BIRC6: variants seen among roughly 807,000 people sequenced by gnomAD.
BIRC6 encodes baculoviral IAP repeat containing 6.
BIRC6 carries 98 observed loss-of-function variants against 503.3 expected under a neutral mutation model. The observed-to-expected ratio is 0.19, with a 90% confidence interval of 0.17 to 0.23. BIRC6 has a LOEUF of 0.23. Among genes scored for constraint, BIRC6 ranks in the 10% least tolerant of loss-of-function variants. The pLI is 1.00. For missense variants in BIRC6, 5,360 were observed against 5,806.0 expected (o/e 0.92, Z 2.50); for synonymous variants, 2,240 against 2,078.7 (o/e 1.08, Z -2.11).
At chr2:32,463,100 T>A (rs1473663934) in intron 23 of BIRC6, 94 bp from the exon 24 acceptor site, 2 of 1,061,304 alleles carry the variant, frequency 1.9e-6, no homozygotes, top group African/African-American at 3.2e-5. Context: ...TTTAGCATCA[T>A]AATAGTGCCA....
chr2:32,487,578 A>G (rs1400730031), intron 40 of BIRC6, 69 bp from the exon 41 acceptor site: 2 of 1,384,520 alleles, frequency 1.4e-6, no homozygotes, highest in Non-Finnish European at 2.0e-6. Flanking sequence ...CTATTTATAC[A>G]TATGAATAAC....
At chr2:32,471,969 A>C (rs1323477231) in intron 32 of BIRC6, among the ~76,000 whole-genome samples, 1 of 152,190 alleles carries the variant, frequency 6.6e-6, no homozygotes, top group Admixed American at 6.5e-5. Flanking sequence ...ATGTATAAGG[A>C]ATTTGCTTTA....
intron 21 of BIRC6, among the ~76,000 whole-genome samples, chr2:32,446,582 C>T (rs1056988582): frequency 3.9e-5 from 6 of 152,014 alleles, no homozygotes; most frequent in African/African-American, 1.4e-4. Flanking sequence ...TCGCTTCAAT[C>T]TGCAGGTGGC....
intron 26 of BIRC6, among the ~76,000 whole-genome samples, chr2:32,466,525 G>A (rs532402360): frequency 6.6e-6 from 1 of 152,268 alleles, no homozygotes; most frequent in Admixed American, 6.5e-5. Flanking sequence ...AAACCCCAAT[G>A]AATGCAATAT....
At chr2:32,481,077 G>A (rs140331804) in intron 37 of BIRC6, among the ~76,000 whole-genome samples, 22 of 152,232 alleles carry the variant, frequency 1.4e-4, no homozygotes, top group Admixed American at 6.5e-4. Flanking sequence ...ATTTTTAATA[G>A]CAAAGTTTAT....
intron 70 of BIRC6, among the ~76,000 whole-genome samples, chr2:32,600,353 T>C (rs556790650): frequency 4.6e-5 from 7 of 152,360 alleles, no homozygotes; most frequent in Non-Finnish European, 1.0e-4. Flanking sequence ...GATACTTTGA[T>C]AGAATTTCAA....
chr2:32,470,268 C>A lies in BIRC6; in HGVS notation c.6448C>A (p.Gln2150Lys). 6.3e-7 allele frequency: 1 copy of A among 1,575,174 alleles called. No individual in the cohort carries two copies. Among genetic ancestry groups the A allele is most frequent in the East Asian group, 2.3e-5 (1 of 43,454 alleles). ...NLLDNLLSPL[Q>K]PQLPMHRRTE... The stretch of plus-strand genomic sequence containing the variant: ...CTTGGATAATTTATTGTCACCTCTT[C>A]AGCCACAGTTACCCATGCATAGGAG... Residue 2150 changes from glutamine (Q) to lysine (K), a missense_variant, in exon 31 of 74, where the codon CAG becomes AAG. Coordinates refer to ENST00000421745, the MANE Select transcript of BIRC6 (RefSeq NM_016252.4).
intron 3 of BIRC6, among the ~76,000 whole-genome samples, chr2:32,383,035 A>G (rs958403843): frequency 2.0e-5 from 3 of 147,614 alleles, no homozygotes; most frequent in African/African-American, 7.5e-5. Flanking sequence ...TCCTCAGTTT[A>G]TTTAATTTTT....
At chr2:32,520,564 T>C (rs1056745996) in intron 57 of BIRC6, among the ~76,000 whole-genome samples, 2 of 152,164 alleles carry the variant, frequency 1.3e-5, no homozygotes, top group African/African-American at 4.8e-5. Context: ...ACACCTGTAA[T>C]CCCAGCACTT....
rs1364566987 is a variant in BIRC6 at position 32,468,105 on chromosome 2, A to T, written c.5774A>T (p.Gln1925Leu). 6.2e-7 allele frequency: 1 copy of T among 1,613,654 alleles called. No homozygotes were observed. The highest frequency in any genetic ancestry group is 8.5e-7 in the Non-Finnish European group (1 of 1,179,778). Residue 1925 changes from glutamine to leucine, a missense_variant, in exon 28 of 74, where the codon CAG (glutamine) becomes CTG (leucine). Physicochemically the swap from Gln to Leu is moderately radical, Grantham distance 113. Transcript: ENST00000421745. Reference protein sequence around the residue: ...AMMVALQEDIQCRYNLACHRL... With the variant: ...AMMVALQEDILCRYNLACHRL... ...ATGGTTGCTTTGCAGGAGGATATAC[A>T]GTGCAGGTTAGTACAGAGTGCAAAT...
intron 66 of BIRC6, among the ~76,000 whole-genome samples, chr2:32,581,065 T>A (rs1261815339): frequency 6.6e-6 from 1 of 152,220 alleles, no homozygotes; most frequent in Non-Finnish European, 1.5e-5. Flanking sequence ...TACTTGGTTA[T>A]TTGACGGACT....
intron 3 of BIRC6, among the ~76,000 whole-genome samples, chr2:32,380,574 A>G (rs1157383706): frequency 2.0e-5 from 3 of 151,990 alleles, no homozygotes; most frequent in Admixed American, 1.3e-4. Context: ...TAAAAATACT[A>G]AAATTAGCCA....
chr2:32,485,243 ATCTG>A (rs762450944), intron 39 of BIRC6, among the ~76,000 whole-genome samples: 46 of 152,064 alleles, frequency 3.0e-4, no homozygotes, highest in Non-Finnish European at 4.9e-4. Flanking sequence ...ATATTTCTGT[ATCTG>A]TCTATCTATT....
chr2:32,459,386 G>T (rs1487586846), intron 23 of BIRC6, among the ~76,000 whole-genome samples: 6 of 152,114 alleles, frequency 3.9e-5, no homozygotes, highest in Admixed American at 3.9e-4. Flanking sequence ...GAACATGTTT[G>T]TGTAGGTTTT....
rs766222657 is a variant in BIRC6 at position 32,463,285 on chromosome 2, A to G, written c.4845A>G (p.Val1615=). The change falls in exon 24 of 74, where the codon GTA becomes GTG. Residue 1615 remains valine, a synonymous_variant. Coordinates refer to ENST00000421745, the MANE Select transcript of BIRC6 (RefSeq NM_016252.4). ...CAGCCCTGAGTTCAGCAGCCCAGGT[A>G]GCTTTGCAGTCTCTCTCTCATGCAA... The part of the protein sequence containing the change: ...ASTALSSAAQ[V]ALQSLSHAMA... The G allele has an allele frequency of 7.4e-6, 12 of 1,613,778 alleles. No individual in the cohort carries two copies. Among genetic ancestry groups the G allele is most frequent in the Non-Finnish European group, 1.0e-5 (12 of 1,179,862 alleles).
intron 66 of BIRC6, among the ~76,000 whole-genome samples, chr2:32,578,197 G>A (rs1000363872): frequency 6.6e-6 from 1 of 152,110 alleles, no homozygotes; most frequent in Non-Finnish European, 1.5e-5. Flanking sequence ...CAGCTTCACA[G>A]AGAGAGTAAA....
chr2:32,488,170 C>T (rs2051232946), intron 41 of BIRC6, among the ~76,000 whole-genome samples: 1 of 151,964 alleles, frequency 6.6e-6, no homozygotes, highest in South Asian at 2.1e-4. Context: ...ACACTAGATC[C>T]TGTCTCTAAT....
At chr2:32,464,233 A>G (rs530366362) in intron 24 of BIRC6, among the ~76,000 whole-genome samples, 11 of 152,316 alleles carry the variant, frequency 7.2e-5, no homozygotes, top group Admixed American at 1.3e-4. Context: ...TTTTGAGCAG[A>G]TATTCCTTAT....
intron 15 of BIRC6, 80 bp from the exon 16 acceptor site, chr2:32,439,428 G>A (rs990956262): frequency 1.5e-6 from 2 of 1,348,432 alleles, no homozygotes; most frequent in African/African-American, 2.9e-5. Context: ...GTTAGTTGTT[G>A]ATCTTGTTCT....
Sources: allele counts gnomAD v4.1 joint callset (sites outside exome capture counted in the v4.1 genomes callset), GRCh38; gene constraint gnomAD v4.1.1; transcripts MANE v1.5; gene names NCBI Gene and HGNC (gene_info 2026-07-23, HGNC 2026-07-21).